The following SLC12A8 variants were observed in gnomAD, a reference collection of about 807,000 sequenced individuals.
SLC12A8 encodes cation-chloride cotransporter 9.
A neutral mutation model predicts 75.6 loss-of-function variants in SLC12A8; 69 were observed. The ratio of observed to expected loss-of-function variants is 0.91; its 90% CI spans 0.75 to 1.11. The LOEUF (loss-of-function observed/expected upper bound fraction) is 1.11. SLC12A8 is among the 50% of genes most tolerant of loss of function. SLC12A8 has a pLI of 0.00. For synonymous variants in SLC12A8, 365 were observed against 372.8 expected, an observed-to-expected ratio of 0.98 and a Z score of 0.24; for missense variants, 877 against 896.7, an observed-to-expected ratio of 0.98 and a Z score of 0.28.
chr3:125,129,608 TG>T (rs1349726090), intron 6 of SLC12A8, among the ~76,000 whole-genome samples: 1 of 152,102 alleles, frequency 6.6e-6, no homozygotes, highest in African/African-American at 2.4e-5. Context: ...GTCAGGAGGA[TG>T]GGGGGCTGGG....
Position 125,083,255 on chromosome 3 carries a change from G to A in SLC12A8, c.*635C>T, listed in dbSNP as rs182746756. 1.3e-5 allele frequency: 2 copies of A among 152,288 alleles called. No individual in the cohort carries two copies. The highest frequency in any genetic ancestry group is 4.8e-5 in the African/African-American group (2 of 41,548). The allele number at this position is 152,288 out of a possible 1,614,324, so 9.4% of individuals were successfully genotyped here. A position where few individuals can be genotyped will look rare whatever the true frequency, so the allele number is the denominator to read the frequency against. On this transcript the variant is annotated 3_prime_UTR_variant, in exon 14 of 14. Coordinates refer to ENST00000469902, the MANE Select transcript of SLC12A8 (RefSeq NM_024628.6). ...TGTGGCCCTCTGCACAAGCAATCTG[G>A]TTGTGCAGAGTCTTGGTGTCCCCTG...
At chr3:125,207,710 G>A (rs530472427) in intron 2 of SLC12A8, among the ~76,000 whole-genome samples, 8 of 152,234 alleles carry the variant, frequency 5.3e-5, no homozygotes, top group South Asian at 2.1e-4. Flanking sequence ...CACCCAGATC[G>A]TCACAGTCCT....
At chr3:125,110,122 G>A in intron 9 of SLC12A8, 67 bp downstream of exon 9, 4 of 1,490,436 alleles carry the variant, frequency 2.7e-6, no homozygotes, top group Non-Finnish European at 2.7e-6. Flanking sequence ...ACCAATTGAT[G>A]GGCCAACAGT....
intron 9 of SLC12A8, 38 bp downstream of exon 9, chr3:125,110,151 T>A: frequency 1.3e-6 from 2 of 1,593,386 alleles, no homozygotes; most frequent in Non-Finnish European, 1.7e-6. Context: ...CAGCAAAACA[T>A]GTTTCAAAAA....
intron 6 of SLC12A8, among the ~76,000 whole-genome samples, chr3:125,127,028 A>G (rs370392718): frequency 3.3e-5 from 5 of 152,310 alleles, no homozygotes; most frequent in South Asian, 2.1e-4. Context: ...AGATATTCAT[A>G]AGCACCTAGC....
intron 4 of SLC12A8, among the ~76,000 whole-genome samples, chr3:125,180,279 C>T (rs1368888200): frequency 1.3e-5 from 2 of 152,160 alleles, no homozygotes; most frequent in African/African-American, 4.8e-5. Flanking sequence ...AAGGCCAAAT[C>T]CTGGCTGACT....
At chr3:125,167,489 A>G (rs534420854) in intron 5 of SLC12A8, among the ~76,000 whole-genome samples, 20 of 152,222 alleles carry the variant, frequency 1.3e-4, no homozygotes, top group African/African-American at 4.8e-4. Context: ...TGCCCTCATT[A>G]AAGTCCCTGG....
intron 2 of SLC12A8, among the ~76,000 whole-genome samples, chr3:125,193,213 T>C (rs954108859): frequency 6.6e-6 from 1 of 152,018 alleles, no homozygotes; most frequent in African/African-American, 2.4e-5. Context: ...TGCTAAAAAA[T>C]ACAAAAATTA....
At chr3:125,133,108 T>A (rs1308111650) in intron 6 of SLC12A8, among the ~76,000 whole-genome samples, 1 of 151,916 alleles carries the variant, frequency 6.6e-6, no homozygotes, top group Non-Finnish European at 1.5e-5. Flanking sequence ...GATACAAGAA[T>A]GGACATGGGG....
At chr3:125,193,822 G>T (rs4679369) in intron 2 of SLC12A8, among the ~76,000 whole-genome samples, 15,008 of 152,188 alleles carry the variant, frequency 0.099, 743 homozygotes, top group Admixed American at 0.12. Context: ...AGGGGAGGAG[G>T]GGGTGGAAGC....
intron 5 of SLC12A8, among the ~76,000 whole-genome samples, chr3:125,160,174 G>A (rs1934136911): frequency 6.6e-6 from 1 of 152,106 alleles, no homozygotes; most frequent in African/African-American, 2.4e-5. Flanking sequence ...GAACTCCTGG[G>A]CTCAAGTGAT....
At chr3:125,100,290 A>C (rs184394550) in intron 10 of SLC12A8, among the ~76,000 whole-genome samples, 3 of 152,316 alleles carry the variant, frequency 2.0e-5, no homozygotes, top group South Asian at 4.1e-4. Flanking sequence ...TCAACAGGAA[A>C]GAAAGAATGA....
intron 6 of SLC12A8, among the ~76,000 whole-genome samples, chr3:125,127,768 A>C (rs1253834812): frequency 6.6e-6 from 1 of 152,256 alleles, no homozygotes; most frequent in East Asian, 1.9e-4. Context: ...AGTATTGTCG[A>C]TATTTATAAT....
chr3:125,124,301 T>G (rs1297859464), intron 6 of SLC12A8, among the ~76,000 whole-genome samples: 3 of 152,046 alleles, frequency 2.0e-5, no homozygotes, highest in Non-Finnish European at 4.4e-5. Context: ...CACAGCAAAG[T>G]GTACATTTGT....
intron 8 of SLC12A8, among the ~76,000 whole-genome samples, chr3:125,112,707 T>C (rs1046682068): frequency 3.3e-5 from 5 of 152,226 alleles, no homozygotes; most frequent in African/African-American, 1.2e-4. Flanking sequence ...AAATGCAGCC[T>C]ATGTTGACTG....
intron 5 of SLC12A8, among the ~76,000 whole-genome samples, chr3:125,176,340 G>A (rs1026613644): frequency 1.3e-5 from 2 of 152,164 alleles, no homozygotes; most frequent in African/African-American, 4.8e-5. Flanking sequence ...CAAAGGGCTG[G>A]GAATACAGGC....
rs538525536 is a variant in SLC12A8, at chr3:125,109,279, C to G, written c.1059+910G>C. Among the ~76,000 whole-genome samples, 4 of 152,262 alleles carry G rather than the reference C, an allele frequency of 2.6e-5. No individual in the cohort carries two copies. In the South Asian group the frequency reaches 8.3e-4, roughly 32 times the overall value. On this transcript the variant is annotated intron_variant, in intron 9 of 13. Transcript: ENST00000469902. Reference sequence around the variant, plus strand: ...CAACTAGGCTCACGGCTTTGAATACCGGCATTATACTGACAACTTCCAAAT... The same window carrying G: ...CAACTAGGCTCACGGCTTTGAATACGGGCATTATACTGACAACTTCCAAAT...
intron 13 of SLC12A8, among the ~76,000 whole-genome samples, chr3:125,087,683 A>G (rs1040584301): frequency 6.6e-6 from 1 of 152,184 alleles, no homozygotes; most frequent in African/African-American, 2.4e-5. Context: ...AGGGCCTTAA[A>G]AGGTAAGAAG....
At chr3:125,133,250 C>A (rs931492218) in intron 6 of SLC12A8, among the ~76,000 whole-genome samples, 5 of 152,012 alleles carry the variant, frequency 3.3e-5, no homozygotes, top group Non-Finnish European at 7.4e-5. Context: ...TGAGGTATAA[C>A]TAACATTCTA....
Sources: gnomAD v4.1 joint callset for allele counts (sites outside exome capture counted in the v4.1 genomes callset) on GRCh38, gnomAD v4.1.1 for gene constraint, MANE v1.5 for transcripts, NCBI Gene and HGNC (gene_info 2026-07-23, HGNC 2026-07-21) for gene names.